LARS1: variants seen among roughly 807,000 people sequenced by gnomAD.
The protein encoded by LARS1 is leucine--tRNA ligase, cytoplasmic.
A neutral mutation model predicts 162.8 loss-of-function variants in LARS1; 100 were observed. That is an observed-to-expected ratio of 0.61 (90% CI 0.52 to 0.73). LARS1 has a LOEUF of 0.73. Ranked by LOEUF, LARS1 falls within the 30% of genes least tolerant of loss-of-function variation. The pLI is 0.00. For missense variants in LARS1, 1,258 were observed against 1,408.9 expected (o/e 0.89, Z 1.71); for synonymous variants, 457 against 462.8 (o/e 0.99, Z 0.16).
intron 1 of LARS1, among the ~76,000 whole-genome samples, chr5:146,179,447 C>A (rs1157953382): frequency 6.6e-6 from 1 of 152,104 alleles, no homozygotes; most frequent in Non-Finnish European, 1.5e-5. Flanking sequence ...CAGGCATGAG[C>A]CACCCAGCCC....
chr5:146,153,710 C>T (rs756278201), intron 12 of LARS1, 24 bp downstream of exon 12: 1 of 1,594,020 alleles, frequency 6.3e-7, no homozygotes, highest in African/African-American at 1.3e-5. Context: ...GGACGAAATA[C>T]AAACATGAAA....
chr5:146,131,066 T>C lies in LARS1; in HGVS notation c.2440A>G (p.Lys814Glu). Residue 814 changes from lysine to glutamate, a missense_variant, in exon 24 of 32, where the codon AAG becomes GAG. By Grantham distance (56) the Lys-to-Glu change is moderately conservative (BLOSUM62 1). Transcript: ENST00000394434. ...GIIKTDQNYE[K>E]MMFKEALKTG... ...TTCAAAGCTTCTTTAAACATCATCTTTTCATAGTTTTGATCTGTTTTTATA... is the reference window on the plus strand; with the variant it reads ...TTCAAAGCTTCTTTAAACATCATCTCTTCATAGTTTTGATCTGTTTTTATA... The C allele has an allele frequency of 6.3e-7, 1 of 1,597,722 alleles. No individual in the cohort carries two copies. Among genetic ancestry groups the C allele is most frequent in the Non-Finnish European group, 8.5e-7 (1 of 1,169,784 alleles).
chr5:146,126,724 C>T (rs553150023), intron 27 of LARS1, among the ~76,000 whole-genome samples, 179 bp from the exon 28 acceptor site: 1 of 152,172 alleles, frequency 6.6e-6, no homozygotes, highest in South Asian at 2.1e-4. Context: ...AGAAGGAACT[C>T]TCCTATTCTC....
chr5:146,150,942 G>GACACACACACACACAC (rs3995492), intron 14 of LARS1, among the ~76,000 whole-genome samples: 104 of 134,894 alleles, frequency 7.7e-4, no homozygotes, highest in South Asian at 3.6e-3. Flanking sequence ...CCGTCAGATA[G>GACACACACACACACAC]ACACACACAC....
At chr5:146,143,659 CTCTTAAATTAT>C in intron 18 of LARS1, 109 bp from the exon 19 acceptor site, 1 of 984,192 alleles carries the variant, frequency 1.0e-6, no homozygotes, top group Non-Finnish European at 1.5e-6. Context: ...ATTTAGGAAG[CTCTTAAATTAT>C]TCTTGAATAA....
intron 6 of LARS1, among the ~76,000 whole-genome samples, chr5:146,161,450 C>T (rs1481935446): frequency 2.0e-5 from 3 of 152,230 alleles, no homozygotes; most frequent in Admixed American, 1.3e-4. Context: ...GGGAGTGGGC[C>T]GGGCATGGTG....
Position 146,137,667 on chromosome 5 carries a change from A to G in LARS1, c.2149-2003T>C, listed in dbSNP as rs575074312. On this transcript the variant is annotated intron_variant, in intron 21 of 31. Coordinates refer to ENST00000394434, the MANE Select transcript of LARS1 (RefSeq NM_020117.11). ...AGTATAAAACAAAAAGCACCGAGTC[A>G]TTTTCTCAACTTACTAAGAAAAATA... 5 of 197,018 alleles carry G rather than the reference A, an allele frequency of 2.5e-5. No homozygotes were observed. In the South Asian group the frequency reaches 3.2e-4, roughly 13 times the overall value. The allele number at this position is 197,018 out of a possible 1,614,324, so 12.2% of individuals were successfully genotyped here. A position where few individuals can be genotyped will look rare whatever the true frequency, so the allele number is the denominator to read the frequency against.
At chr5:146,120,750 C>A (rs1241672426) in intron 30 of LARS1, among the ~76,000 whole-genome samples, 1 of 152,198 alleles carries the variant, frequency 6.6e-6, no homozygotes, top group African/African-American at 2.4e-5. Flanking sequence ...ACTACATTTT[C>A]TCTTCCACAA....
In LARS1 at chr5:146,157,801, C is replaced by T. The variant is rs1176430730; in HGVS notation, c.772-6G>A. On this transcript the variant is annotated splice_region_variant and splice_polypyrimidine_tract_variant and intron_variant, in intron 8 of 31. Transcript: ENST00000394434. ...TATTCCTGAGGTCCAACACCCTAAG[C>T]AAATAAACGATACAAAAATTTGAAG... is the stretch of plus-strand genomic sequence containing the variant. 2 of 1,613,182 alleles carry T rather than the reference C, an allele frequency of 1.2e-6. No individual in the cohort carries two copies. The highest frequency in any genetic ancestry group is 1.7e-6 in the Non-Finnish European group (2 of 1,179,524).
chr5:146,143,264 T>C (rs1581039297), intron 19 of LARS1, 148 bp downstream of exon 19: 1 of 1,035,776 alleles, frequency 9.7e-7, no homozygotes, highest in Non-Finnish European at 1.4e-6. Flanking sequence ...GGGCTATTTA[T>C]TAATTTTTCC....
chr5:146,136,760 C>T (rs1177404401), intron 21 of LARS1, among the ~76,000 whole-genome samples: 3 of 152,062 alleles, frequency 2.0e-5, no homozygotes, highest in East Asian at 1.9e-4. Flanking sequence ...AATTAACGGG[C>T]GTGAGCCACC....
At position 146,131,043 on chromosome 5, in the gene LARS1, CA is replaced by C; in HGVS notation, c.2462del (p.Leu821Ter). 1 of 1,595,590 alleles carries C rather than the reference CA, an allele frequency of 6.3e-7. No homozygotes were observed. Among genetic ancestry groups the C allele is most frequent in the Non-Finnish European group, 8.6e-7 (1 of 1,168,342 alleles). ...NYEKMMFKEA[L>X]KTGFFEFQAA... ...CCTGAAACTCAAAAAACCCTGTTTT[CA>C]AAGCTTCTTTAAACATCATCTTTTC... On this transcript the variant is annotated frameshift_variant, in exon 24 of 32. Transcript: ENST00000394434. LOFTEE classifies it high-confidence loss of function.
At chr5:146,132,778 CTAT>C (rs948353461) in intron 23 of LARS1, 117 bp downstream of exon 23, 5 of 725,280 alleles carry the variant, frequency 6.9e-6, no homozygotes, top group Non-Finnish European at 1.1e-5. Flanking sequence ...TGAACACTAG[CTAT>C]TATTATCATT....
Position 146,128,768 on chromosome 5 carries a change from T to C in LARS1, c.2784A>G (p.Gln928=). The change falls in exon 27 of 32, where the codon CAA becomes CAG. Residue 928 remains glutamine, a synonymous_variant. Coordinates refer to ENST00000394434, the MANE Select transcript of LARS1 (RefSeq NM_020117.11). ...TGCAATGTGAGGGCTTCTGCAGGGG[T>C]TGTTTGTCAGTCTTCTAGACGGTAA... is the stretch of plus-strand genomic sequence containing the variant. The part of the protein sequence containing the change: ...MPAKGKKTDK[Q]PLQKPSHCTI... 2 of 1,602,026 alleles carry C rather than the reference T, an allele frequency of 1.2e-6. No homozygotes were observed. The highest frequency in any genetic ancestry group is 1.1e-5 in the South Asian group (1 of 88,590).
chr5:146,122,625 C>T (rs1395275), intron 29 of LARS1, 38 bp from the exon 30 acceptor site: 1 of 1,145,128 alleles, frequency 8.7e-7, no homozygotes, highest in Non-Finnish European at 1.3e-6. Flanking sequence ...ATTAGTATCA[C>T]TTAATGTGAT....
chr5:146,118,380 T>G (rs1269676251), intron 31 of LARS1, among the ~76,000 whole-genome samples: 1 of 152,144 alleles, frequency 6.6e-6, no homozygotes, highest in Non-Finnish European at 1.5e-5. Context: ...GAGAGGGGAC[T>G]GGAAGGAGGT....
rs1764068215 is a variant in LARS1 at position 146,113,536 on chromosome 5, A to T, written c.*570T>A. 1 of 152,432 alleles carries T rather than the reference A, an allele frequency of 6.6e-6. No homozygotes were observed. Among genetic ancestry groups the T allele is most frequent in the South Asian group, 2.1e-4 (1 of 4,840 alleles). 9.4% of individuals were successfully genotyped at this position (152,432 alleles called of 1,614,324 possible). On this transcript the variant is annotated 3_prime_UTR_variant, in exon 32 of 32. Transcript: ENST00000394434. ...AGCCATTATTGGTTCTTAGTTGAATAATTAAAGCTTTAAAAAGTCTTATAA... is the reference window on the plus strand; with the variant it reads ...AGCCATTATTGGTTCTTAGTTGAATTATTAAAGCTTTAAAAAGTCTTATAA...
chr5:146,116,334 C>T (rs1055218334), intron 31 of LARS1, among the ~76,000 whole-genome samples: 33 of 152,014 alleles, frequency 2.2e-4, no homozygotes, highest in African/African-American at 2.2e-4. Flanking sequence ...CCTTTTACTG[C>T]GGATCTGCCT....
At chr5:146,167,684 A>T (rs1453700733) in intron 5 of LARS1, among the ~76,000 whole-genome samples, 1 of 119,344 alleles carries the variant, frequency 8.4e-6, no homozygotes, top group Non-Finnish European at 1.8e-5. Flanking sequence ...GTGAGCCACC[A>T]CGCCCGGCTA....
Sources: gnomAD v4.1 joint callset for allele counts (sites outside exome capture counted in the v4.1 genomes callset) on GRCh38, gnomAD v4.1.1 for gene constraint, MANE v1.5 for transcripts, NCBI Gene and HGNC (gene_info 2026-07-23, HGNC 2026-07-21) for gene names.